The following TASOR variants were observed in gnomAD, a reference collection of about 807,000 sequenced individuals.
The protein encoded by TASOR is protein TASOR.
A neutral mutation model predicts 178.6 loss-of-function variants in TASOR; 53 were observed. The ratio of observed to expected loss-of-function variants is 0.30; its 90% confidence interval spans 0.24 to 0.37. The LOEUF (loss-of-function observed/expected upper bound fraction) is 0.37, where lower values mean the gene tolerates loss of function less well. Among genes scored for constraint, TASOR ranks in the 10% least tolerant of loss-of-function variants. TASOR has a pLI of 1.00. For synonymous variants in TASOR, 713 were observed against 696.2 expected, an observed-to-expected ratio of 1.02 and a Z score of -0.38; for missense variants, 1,815 against 1,971.4, an observed-to-expected ratio of 0.92 and a Z score of 1.50.
intron 18 of TASOR, among the ~76,000 whole-genome samples, chr3:56,631,222 G>C (rs2076905404): frequency 6.6e-6 from 1 of 152,122 alleles, no homozygotes; most frequent in Non-Finnish European, 1.5e-5. Flanking sequence ...TAATTTCTAT[G>C]TTCTTCAGGT....
chr3:56,621,703 A>T lies in TASOR; in HGVS notation c.*1334T>A. The T allele has an allele frequency of 1.1e-6, 1 of 891,894 alleles. No individual in the cohort carries two copies. Among genetic ancestry groups the T allele is most frequent in the Non-Finnish European group, 1.7e-6 (1 of 580,854 alleles). 55.2% of individuals were successfully genotyped at this position (891,894 alleles called of 1,614,324 possible). The stretch of plus-strand genomic sequence containing the variant: ...ACTGGCTCAACTGTATTTTTCAAAT[A>T]GCCTAGATTTACTTATTTTTTTAAA... On this transcript the variant is annotated 3_prime_UTR_variant, in exon 24 of 24. Transcript: ENST00000683822.
Position 56,633,761 on chromosome 3 carries a change from C to T in TASOR, c.3030G>A (p.Pro1010=), listed in dbSNP as rs746991160. ...EQCVPAAEAE[P]PAVSETTERT... ...TCTCTGTGGTTTCGCTCACTGCAGG[C>T]GGCTCTGCCTCTGCTGCTGGCACAC... The change falls in exon 18 of 24, where the codon CCG becomes CCA. Residue 1010 remains proline (P), a synonymous_variant. Coordinates refer to ENST00000683822, the MANE Select transcript of TASOR (RefSeq NM_001365635.2). 6.2e-6 allele frequency: 10 copies of T among 1,613,938 alleles called. No individual in the cohort carries two copies. The highest frequency in any genetic ancestry group is 1.3e-5 in the African/African-American group (1 of 74,916).
Position 56,668,403 on chromosome 3 carries a change from A to G in TASOR, c.891T>C (p.Leu297=), listed in dbSNP as rs1402614223. ...TSLLAYRAYE[L]TQYYFYEYGF... ...AACGGATCCTGGAACCTACCTGAGT[A>G]AGCTCATAGGCTCTGTAAGCCAAAA... Residue 297 remains leucine (L), a synonymous_variant, in exon 6 of 24, where the codon CTT becomes CTC. Coordinates refer to ENST00000683822, the MANE Select transcript of TASOR (RefSeq NM_001365635.2). 21 of 1,551,010 alleles carry G rather than the reference A, an allele frequency of 1.4e-5. No individual in the cohort carries two copies. Among genetic ancestry groups the G allele is most frequent in the Non-Finnish European group, 1.7e-5 (20 of 1,146,816 alleles).
chr3:56,634,972 C>A (rs62251182), intron 17 of TASOR, among the ~76,000 whole-genome samples: 1 of 152,116 alleles, frequency 6.6e-6, no homozygotes, highest in Non-Finnish European at 1.5e-5. Context: ...CAATTTTACC[C>A]GCTAAAAAAT....
chr3:56,626,920 G>C, intron 21 of TASOR, 117 bp downstream of exon 21: 2 of 615,976 alleles, frequency 3.2e-6, no homozygotes, highest in East Asian at 5.5e-5. Flanking sequence ...AATTATGGCT[G>C]GCTATGGACA....
In TASOR at chr3:56,668,210, T is replaced by A. The variant is rs143887956; in HGVS notation, c.897+187A>T. ...CCTGTAACCTTGAAGACCCACTGCA[T>A]GTTTCTGAGACATCTCAGAAAACAC... On this transcript the variant is annotated intron_variant, in intron 6 of 23. Coordinates refer to ENST00000683822, the MANE Select transcript of TASOR (RefSeq NM_001365635.2). Among the ~76,000 whole-genome samples the A allele has an allele frequency of 5.1e-4, 77 of 152,302 alleles. 1 individual carries two copies. The highest frequency in any genetic ancestry group is 3.4e-3 in the Middle Eastern group (1 of 294).
intron 11 of TASOR, among the ~76,000 whole-genome samples, chr3:56,659,836 T>C (rs2077553839): frequency 6.6e-6 from 1 of 152,120 alleles, no homozygotes; most frequent in African/African-American, 2.4e-5. Flanking sequence ...TGTTCCTTTA[T>C]CTCCTCAACC....
At position 56,623,011 on chromosome 3, in the gene TASOR, A is replaced by G. The variant is rs199967558; in HGVS notation, c.*26T>C. On this transcript the variant is annotated 3_prime_UTR_variant, in exon 24 of 24. Transcript: ENST00000683822. ...TTGTTAATAAACAAAGTCCACAACA[A>G]TCTCTTAAAAAAAAAGTTACTACAG... The G allele has an allele frequency of 2.1e-6, 3 of 1,416,366 alleles. No individual in the cohort carries two copies. The highest frequency in any genetic ancestry group is 2.5e-5 in the Admixed American group (1 of 40,692). The allele number at this position is 1,416,366 out of a possible 1,614,324, so 87.7% of individuals were successfully genotyped here. A position where few individuals can be genotyped will look rare whatever the true frequency, so the allele number is the denominator to read the frequency against.
chr3:56,650,747 C>T (rs115437555), intron 11 of TASOR, among the ~76,000 whole-genome samples: 2,475 of 152,284 alleles, frequency 0.016, 37 homozygotes, highest in Non-Finnish European at 0.021. Context: ...CATCATACTG[C>T]TGACATATAG....
At chr3:56,648,313 C>G (rs997207280) in intron 13 of TASOR, among the ~76,000 whole-genome samples, 1 of 151,796 alleles carries the variant, frequency 6.6e-6, no homozygotes, top group African/African-American at 2.4e-5. Flanking sequence ...CTGATAAACA[C>G]AAATTAATTT....
intron 14 of TASOR, among the ~76,000 whole-genome samples, chr3:56,645,164 C>G (rs114512502): frequency 0.022 from 3,278 of 152,258 alleles, 60 homozygotes; most frequent in African/African-American, 0.044. Context: ...ATTCCAGCTA[C>G]TGGGGAGACT....
In TASOR at chr3:56,668,375, T is replaced by C. The variant is rs1047952458; in HGVS notation, c.897+22A>G. 56 of 1,548,798 alleles carry C rather than the reference T, an allele frequency of 3.6e-5. No individual in the cohort carries two copies. In the Admixed American group the frequency reaches 4.0e-4, roughly 11 times the overall value. On this transcript the variant is annotated intron_variant, in intron 6 of 23. Coordinates refer to ENST00000683822, the MANE Select transcript of TASOR (RefSeq NM_001365635.2). ...ACAAACAGGTATGAGATCACAACAT[T>C]ACAACGGATCCTGGAACCTACCTGA...
At position 56,671,698 on chromosome 3, in the gene TASOR, T is replaced by C; in HGVS notation, c.478-6A>G. 6.5e-7 allele frequency: 1 copy of C among 1,537,704 alleles called. No homozygotes were observed. The highest frequency in any genetic ancestry group is 8.8e-7 in the Non-Finnish European group (1 of 1,137,860). On this transcript the variant is annotated splice_region_variant and splice_polypyrimidine_tract_variant and intron_variant, in intron 2 of 23. Coordinates refer to ENST00000683822, the MANE Select transcript of TASOR (RefSeq NM_001365635.2). The stretch of plus-strand genomic sequence containing the variant: ...TCTCTTCGCTTTTCTGTAAACTAAA[T>C]GAAATTAAAACTATAACAACTACTT...
rs780678803 is a variant in TASOR, at chr3:56,641,420, C to T, written c.2548G>A (p.Ala850Thr). The T allele has an allele frequency of 6.2e-6, 10 of 1,603,834 alleles. No individual in the cohort carries two copies. The highest frequency in any genetic ancestry group is 8.5e-6 in the Non-Finnish European group (10 of 1,171,204). ...ATAGCAACAGAATACTTAGATGTTG[C>T]ATCAACTTCTAGTAATAAGCTCTGA... ...GTQSLLLEVD[A>T]TSKYSVAIST... The change falls in exon 15 of 24, where the codon GCA becomes ACA. Residue 850 changes from alanine (A) to threonine (T), a missense_variant. Physicochemically the swap from Ala to Thr is moderately conservative, Grantham distance 58. Coordinates refer to ENST00000683822, the MANE Select transcript of TASOR (RefSeq NM_001365635.2).
chr3:56,648,693 C>T, intron 13 of TASOR, 129 bp downstream of exon 13: 4 of 440,426 alleles, frequency 9.1e-6, no homozygotes, highest in Non-Finnish European at 1.3e-5. Flanking sequence ...ATTGCTAATA[C>T]CTCTTAACCC....
At chr3:56,650,637 G>A (rs2077332400) in intron 11 of TASOR, among the ~76,000 whole-genome samples, 1 of 152,142 alleles carries the variant, frequency 6.6e-6, no homozygotes. Flanking sequence ...TCTTGTAAGG[G>A]TAAACTTTGT....
At chr3:56,662,352 A>G in intron 9 of TASOR, 33 bp downstream of exon 9, 1 of 1,123,084 alleles carries the variant, frequency 8.9e-7, no homozygotes, top group Non-Finnish European at 1.3e-6. Context: ...TGATAAAATT[A>G]GCAACCACGA....
chr3:56,641,063 A>G (rs1007313403), intron 15 of TASOR, among the ~76,000 whole-genome samples: 3 of 152,296 alleles, frequency 2.0e-5, no homozygotes, highest in Non-Finnish European at 4.4e-5. Context: ...TTAACTCCCA[A>G]TAAGCCATTT....
chr3:56,621,385 A>G lies in TASOR; in HGVS notation c.*1652T>C. On this transcript the variant is annotated 3_prime_UTR_variant, in exon 24 of 24. Transcript: ENST00000683822. The stretch of plus-strand genomic sequence containing the variant: ...GCTATATATCCAAATGAGGTGGTCT[A>G]GTACAAGCATTTCTGAAAAAATTTT... 1 of 510,190 alleles carries G rather than the reference A, an allele frequency of 2.0e-6. No individual in the cohort carries two copies. The highest frequency in any genetic ancestry group is 3.5e-6 in the Non-Finnish European group (1 of 284,402). The allele number at this position is 510,190 out of a possible 1,614,324, so 31.6% of individuals were successfully genotyped here.
Sources: allele counts gnomAD v4.1 joint callset (sites outside exome capture counted in the v4.1 genomes callset), GRCh38; gene constraint gnomAD v4.1.1; transcripts MANE v1.5; gene names NCBI Gene and HGNC (gene_info 2026-07-23, HGNC 2026-07-21).